Variants in PTPN14 observed in about 807,000 individuals in gnomAD.
The protein encoded by PTPN14 is protein tyrosine phosphatase non-receptor type 14.
A neutral mutation model predicts 126.8 loss-of-function variants in PTPN14; 53 were observed. The observed-to-expected ratio is 0.42, with a 90% confidence interval of 0.34 to 0.53. PTPN14 has a LOEUF of 0.53. Ranked by LOEUF, PTPN14 falls within the 20% of genes least tolerant of loss-of-function variation. The pLI is 0.08. For missense variants in PTPN14, 1,257 were observed against 1,552.9 expected (o/e 0.81, Z 3.20); for synonymous variants, 630 against 599.3 (o/e 1.05, Z -0.75).
rs188713274 is a variant in PTPN14 at position 214,482,079 on chromosome 1, G to A, written c.-154-17122C>T. 2.0e-3 allele frequency among the ~76,000 whole-genome samples: 308 copies of A among 151,908 alleles called. 1 individual carries two copies. The highest frequency in any genetic ancestry group is 3.4e-3 in the Middle Eastern group (1 of 294). On this transcript the variant is annotated intron_variant, in intron 1 of 18. Transcript: ENST00000366956. ...ACTCAAGACAAAATGAACTGATTTG[G>A]ACACACAAAAAAAGTAATGGTGCTT...
Position 214,377,941 on chromosome 1 carries a change from G to A in PTPN14, c.2688+18C>T, listed in dbSNP as rs758273504. 1 of 1,607,220 alleles carries A rather than the reference G, an allele frequency of 6.2e-7. No individual in the cohort carries two copies. Among genetic ancestry groups the A allele is most frequent in the Admixed American group, 1.7e-5 (1 of 58,754 alleles). ...AAGACTACAGAGAATGAGTCACATTGACAAGCCTGCCACTTACCCTCTCGT... is the reference window on the plus strand; with the variant it reads ...AAGACTACAGAGAATGAGTCACATTAACAAGCCTGCCACTTACCCTCTCGT... On this transcript the variant is annotated intron_variant, in intron 14 of 18. Transcript: ENST00000366956.
At chr1:214,426,805 G>T (rs78089756) in intron 3 of PTPN14, among the ~76,000 whole-genome samples, 1 of 152,272 alleles carries the variant, frequency 6.6e-6, no homozygotes, top group Admixed American at 6.5e-5. Flanking sequence ...ATTCAGGGGC[G>T]TGAAGCCCAG....
chr1:214,409,569 T>C (rs777505861), intron 5 of PTPN14, among the ~76,000 whole-genome samples: 3 of 152,224 alleles, frequency 2.0e-5, no homozygotes, highest in Non-Finnish European at 2.9e-5. Flanking sequence ...TCATTTTCTT[T>C]AGATATATAC....
At chr1:214,455,317 T>C (rs1042952658) in intron 2 of PTPN14, among the ~76,000 whole-genome samples, 1 of 152,208 alleles carries the variant, frequency 6.6e-6, no homozygotes, top group Non-Finnish European at 1.5e-5. Flanking sequence ...CATTGCCACA[T>C]GGTTGAAGAA....
chr1:214,479,636 A>ACCC (rs1660942089), intron 1 of PTPN14, among the ~76,000 whole-genome samples: 1 of 151,870 alleles, frequency 6.6e-6, no homozygotes, highest in South Asian at 2.1e-4. Flanking sequence ...ACCGTACCCG[A>ACCC]CCCTGTCTTT....
intron 3 of PTPN14, among the ~76,000 whole-genome samples, chr1:214,436,180 G>A (rs1659910793): frequency 6.6e-6 from 1 of 152,098 alleles, no homozygotes; most frequent in African/African-American, 2.4e-5. Flanking sequence ...ACTTTTAAGT[G>A]GGAGCTAAAC....
intron 1 of PTPN14, among the ~76,000 whole-genome samples, chr1:214,534,322 C>A (rs78400277): frequency 0.013 from 2,030 of 152,240 alleles, 48 homozygotes; most frequent in African/African-American, 0.046. Context: ...ATTTGTTCAT[C>A]TATGTTTATA....
At chr1:214,545,265 A>T (rs928262785) in intron 1 of PTPN14, among the ~76,000 whole-genome samples, 1 of 152,210 alleles carries the variant, frequency 6.6e-6, no homozygotes, top group Non-Finnish European at 1.5e-5. Context: ...AAAGAGCAGA[A>T]GTTTATTTGG....
chr1:214,465,883 G>GA (rs1660622487), intron 1 of PTPN14, among the ~76,000 whole-genome samples: 1 of 33,072 alleles, frequency 3.0e-5, no homozygotes, highest in Admixed American at 3.4e-4. Context: ...CATGTCTTAT[G>GA]TTTTATTATT....
intron 5 of PTPN14, among the ~76,000 whole-genome samples, chr1:214,408,645 C>G (rs997675449): frequency 2.6e-5 from 4 of 152,110 alleles, no homozygotes; most frequent in African/African-American, 9.7e-5. Flanking sequence ...TATGTACATA[C>G]ATAAGAATGA....
intron 1 of PTPN14, among the ~76,000 whole-genome samples, chr1:214,474,024 C>T (rs1021702638): frequency 6.6e-6 from 1 of 152,198 alleles, no homozygotes; most frequent in Non-Finnish European, 1.5e-5. Flanking sequence ...TTATTTCCCT[C>T]CTAACTCACT....
chr1:214,422,127 A>C (rs1358152072), intron 3 of PTPN14, among the ~76,000 whole-genome samples: 2 of 152,240 alleles, frequency 1.3e-5, no homozygotes, highest in Admixed American at 1.3e-4. Flanking sequence ...ATTAGATGTT[A>C]TTTCTATAAT....
intron 3 of PTPN14, among the ~76,000 whole-genome samples, chr1:214,424,532 C>CTT (rs762517027): frequency 7.2e-6 from 1 of 138,938 alleles, no homozygotes. Context: ...CACTTTCTTT[C>CTT]TTTTTTTTTT....
At chr1:214,500,361 A>T (rs1407586484) in intron 1 of PTPN14, among the ~76,000 whole-genome samples, 1 of 152,076 alleles carries the variant, frequency 6.6e-6, no homozygotes, top group Admixed American at 6.5e-5. Context: ...AATCTCAACA[A>T]CATCCCATGT....
chr1:214,490,852 AGGGAAGGGAGGGGAGGGGAG>A, intron 1 of PTPN14, among the ~76,000 whole-genome samples: 1 of 24,098 alleles, frequency 4.1e-5, no homozygotes, highest in Non-Finnish European at 7.3e-5. Flanking sequence ...AAGGAAAGGA[AGGGAAGGGAGGGGAGGGGAG>A]GGGAGGGGAG....
In PTPN14 at chr1:214,451,837, T is replaced by C; in HGVS notation, c.312A>G (p.Pro104=). The change falls in exon 3 of 19, where the codon CCA becomes CCG. Residue 104 remains proline (P), a synonymous_variant. Coordinates refer to ENST00000366956, the MANE Select transcript of PTPN14 (RefSeq NM_005401.5). ...CCTCTTGCTGAAGCCATGACACATT[T>C]GGCACATAGAACATGACTCCAAAGA... ...LLFFGVMFYV[P]NVSWLQQEAT... is the part of the protein sequence containing the mutation. The C allele has an allele frequency of 6.2e-7, 1 of 1,614,212 alleles. No homozygotes were observed. Among genetic ancestry groups the C allele is most frequent in the East Asian group, 2.2e-5 (1 of 44,886 alleles).
intron 1 of PTPN14, among the ~76,000 whole-genome samples, chr1:214,517,164 C>T (rs1655124347): frequency 6.6e-6 from 1 of 152,192 alleles, no homozygotes; most frequent in South Asian, 2.1e-4. Context: ...GGGCAACTGC[C>T]AGCCCTGCAC....
chr1:214,394,360 G>C (rs952934513), intron 9 of PTPN14, among the ~76,000 whole-genome samples: 7 of 152,204 alleles, frequency 4.6e-5, no homozygotes, highest in Non-Finnish European at 7.3e-5. Context: ...GGAGGGACCA[G>C]AGTCCTAGAG....
intron 1 of PTPN14, among the ~76,000 whole-genome samples, chr1:214,505,178 C>T (rs1337298879): frequency 7.2e-6 from 1 of 138,170 alleles, no homozygotes; most frequent in Non-Finnish European, 1.5e-5. Context: ...GAATACCCGC[C>T]AGGGAAAAAA....
Sources: gnomAD v4.1 joint callset for allele counts (sites outside exome capture counted in the v4.1 genomes callset) on GRCh38, gnomAD v4.1.1 for gene constraint, MANE v1.5 for transcripts, NCBI Gene and HGNC (gene_info 2026-07-23, HGNC 2026-07-21) for gene names.